The following BRD4 variants were observed in gnomAD, a reference collection of about 807,000 sequenced individuals.
BRD4 encodes the protein bromodomain-containing protein 4.
A neutral mutation model predicts 142.1 loss-of-function variants in BRD4; 16 were observed. The observed-to-expected ratio is 0.11, with a 90% CI of 0.08 to 0.17. The LOEUF (loss-of-function observed/expected upper bound fraction) is 0.17, where lower values mean the gene tolerates loss of function less well. Among genes scored for constraint, BRD4 ranks in the 10% least tolerant of loss-of-function variants. BRD4 has a pLI of 1.00. For synonymous variants in BRD4, 833 were observed against 707.5 expected (o/e 1.18, Z -2.82); for missense variants, 1,424 against 1,810.9 (o/e 0.79, Z 3.88).
Position 15,243,116 on chromosome 19 carries a change from G to A in BRD4, c.2953C>T (p.Pro985Ser), listed in dbSNP as rs1353370418. ...PPPPPPQPQP[P>S]PQQQHQPPPR... ...GGGGGCTGATGCTGCTGCTGGGGTG[G>A]AGGCTGGGGCTGGGGTGGTGGGGGT... Residue 985 changes from proline to serine, a missense_variant, in exon 14 of 20, where the codon CCA (proline) becomes TCA (serine). Physicochemically the swap from Pro to Ser is moderately conservative, Grantham distance 74. Around this residue, in one of 16 missense-constraint regions of BRD4, gnomAD observed 598 missense variants for 647.8 expected, o/e 0.92. Transcript: ENST00000679869. The A allele has an allele frequency of 2.1e-6, 3 of 1,455,672 alleles. No individual in the cohort carries two copies. Among genetic ancestry groups the A allele is most frequent in the Middle Eastern group, 2.5e-4 (1 of 4,062 alleles). The allele number at this position is 1,455,672 out of a possible 1,614,324, so 90.2% of individuals were successfully genotyped here.
rs765535087 is a variant in BRD4 at position 15,239,866 on chromosome 19, C to T, written c.3282+44G>A. On this transcript the variant is annotated intron_variant, in intron 15 of 19. Transcript: ENST00000679869. The surrounding 1 kb of genome is among the most constrained non-coding windows in gnomAD (Gnocchi z 7.4). ...GCGGCCGGTGAGGTGGGCAGGCACCCCCGGCCCTAGCCCACAGGACTATGG... is the reference window on the plus strand; with the variant it reads ...GCGGCCGGTGAGGTGGGCAGGCACCTCCGGCCCTAGCCCACAGGACTATGG... The T allele has an allele frequency of 1.9e-6, 3 of 1,614,000 alleles. No individual in the cohort carries two copies. The highest frequency in any genetic ancestry group is 3.3e-5 in the Admixed American group (2 of 60,014).
Position 15,242,986 on chromosome 19 carries a change from G to A in BRD4, c.3083C>T (p.Pro1028Leu), listed in dbSNP as rs1326894689. The change falls in exon 14 of 20, where the codon CCA (proline) becomes CTA (leucine). Residue 1028 changes from proline (P) to leucine (L), a missense_variant. Transcript: ENST00000679869. ...QPPHPPPGQQ[P>L]PPPQPAKPQQ... ...AGGCTTGGCAGGCTGCGGCGGGGGT[G>A]GCTGCTGGCCTGGGGGCGGATGGGG... is the stretch of plus-strand genomic sequence containing the variant. 10 of 1,577,494 alleles carry A rather than the reference G, an allele frequency of 6.3e-6. No homozygotes were observed. The highest frequency in any genetic ancestry group is 1.4e-5 in the African/African-American group (1 of 72,568).
intron 1 of BRD4, among the ~76,000 whole-genome samples, chr19:15,313,955 G>A (rs1162023509): frequency 1.3e-5 from 2 of 152,074 alleles, no homozygotes; most frequent in African/African-American, 2.4e-5. Context: ...TGAGGGAGAG[G>A]GAAGATTACA....
rs955979869 is a variant in BRD4 at position 15,263,368 on chromosome 19, C to T, written c.1341+52G>A. Reference sequence around the variant, plus strand: ...CAAGGCCCACAGAAGTCTGCTCCCACGAGGACCTCAGCCTGCTCTGCTGAG... The same window carrying T: ...CAAGGCCCACAGAAGTCTGCTCCCATGAGGACCTCAGCCTGCTCTGCTGAG... On this transcript the variant is annotated intron_variant, in intron 7 of 19. Coordinates refer to ENST00000679869, the MANE Select transcript of BRD4 (RefSeq NM_001379291.1). 77 of 1,584,474 alleles carry T rather than the reference C, an allele frequency of 4.9e-5. No individual in the cohort carries two copies. In the South Asian group the frequency reaches 6.5e-4, roughly 13 times the overall value.
intron 8 of BRD4, 113 bp from the exon 9 acceptor site, chr19:15,256,376 G>A: frequency 1.5e-6 from 2 of 1,354,536 alleles, no homozygotes; most frequent in South Asian, 2.8e-5. Flanking sequence ...GGGGCATCAG[G>A]GTGTGGGCAT....
intron 1 of BRD4, among the ~76,000 whole-genome samples, chr19:15,323,401 T>G (rs1439292622): frequency 6.6e-6 from 1 of 152,038 alleles, no homozygotes; most frequent in East Asian, 1.9e-4. Flanking sequence ...GGCTGGCAGG[T>G]TCCACCTCCA....
chr19:15,254,293 C>T (rs1218999881), intron 10 of BRD4, 31 bp from the exon 11 acceptor site: 9 of 1,592,370 alleles, frequency 5.7e-6, no homozygotes, highest in Non-Finnish European at 7.8e-6. Context: ...GCTGGTCAGG[C>T]AGGGCTGTGG....
At chr19:15,252,926 TC>T in intron 11 of BRD4, 1 of 181,990 alleles carries the variant, frequency 5.5e-6, no homozygotes, top group East Asian at 9.0e-5. Context: ...GCAACATGGC[TC>T]TCCCCAGCTG....
chr19:15,278,142 C>CAAAAAAAAAAAAAAAAAAAAAAA (rs2047669367), intron 1 of BRD4, among the ~76,000 whole-genome samples: 1 of 89,268 alleles, frequency 1.1e-5, no homozygotes. Flanking sequence ...AAAAAAAAAT[C>CAAAAAAAAAAAAAAAAAAAAAAA]AAAATCAACA....
intron 14 of BRD4, among the ~76,000 whole-genome samples, chr19:15,240,533 T>A (rs1378492146): frequency 1.3e-5 from 2 of 152,132 alleles, no homozygotes; most frequent in East Asian, 1.9e-4. Context: ...CACAGTCCTA[T>A]TCCCCACTCA....
intron 4 of BRD4, among the ~76,000 whole-genome samples, chr19:15,265,867 C>T (rs1458200142): frequency 6.6e-6 from 1 of 152,186 alleles, no homozygotes; most frequent in Non-Finnish European, 1.5e-5. Flanking sequence ...GTCCTGGCTG[C>T]AACTCCCAAC....
In BRD4 at chr19:15,239,795, C is replaced by T; in HGVS notation, c.3309G>A (p.Gln1103=). Residue 1103 remains glutamine (Q), a synonymous_variant, in exon 16 of 20, where the codon CAG becomes CAA. Coordinates refer to ENST00000679869, the MANE Select transcript of BRD4 (RefSeq NM_001379291.1). The surrounding 1 kb of genome is among the most constrained non-coding windows in gnomAD (Gnocchi z 7.4). ...KQELRAASVV[Q]PQPLVVVKEE... is the part of the protein sequence containing the mutation. Reference sequence around the variant, plus strand: ...CCTTCACCACCACGAGGGGCTGGGGCTGGACCACGGAGGCAGCACGCAGCT... The same window carrying T: ...CCTTCACCACCACGAGGGGCTGGGGTTGGACCACGGAGGCAGCACGCAGCT... 2 of 1,613,334 alleles carry T rather than the reference C, an allele frequency of 1.2e-6. No individual in the cohort carries two copies. The highest frequency in any genetic ancestry group is 1.7e-6 in the Non-Finnish European group (2 of 1,179,916).
intron 1 of BRD4, among the ~76,000 whole-genome samples, chr19:15,309,915 G>A (rs2047951826): frequency 6.6e-6 from 1 of 152,158 alleles, no homozygotes; most frequent in South Asian, 2.1e-4. Context: ...TGCGGAGAGA[G>A]GCAGAGCTTG....
In BRD4 at chr19:15,323,178, T is replaced by A. The variant is rs866283193; in HGVS notation, c.-35+9112A>T. Among the ~76,000 whole-genome samples the A allele has an allele frequency of 1.8e-3, 130 of 73,064 alleles. 3 individuals are homozygous for A. The highest frequency in any genetic ancestry group is 0.014 in the Middle Eastern group (1 of 70). 47.9% of individuals were successfully genotyped at this position (73,064 alleles called of 152,430 possible). On this transcript the variant is annotated intron_variant, in intron 1 of 19. Coordinates refer to ENST00000679869, the MANE Select transcript of BRD4 (RefSeq NM_001379291.1). ...GCAACACAGCAAGACTCCATCTCTT[T>A]AAAAAAAAAAAAAAAAAAAAAAAAA...
intron 2 of BRD4, 26 bp downstream of exon 2, chr19:15,272,788 AC>A (rs1474912154): frequency 8.7e-6 from 14 of 1,600,134 alleles, no homozygotes; most frequent in Non-Finnish European, 1.1e-5. Flanking sequence ...CAGGACGGCC[AC>A]CCTGGGCCCT....
rs764916689 is a variant in BRD4 at position 15,244,540 on chromosome 19, G to A, written c.2272C>T (p.Pro758Ser). The A allele has an allele frequency of 6.3e-6, 10 of 1,588,062 alleles. No individual in the cohort carries two copies. Among genetic ancestry groups the A allele is most frequent in the Middle Eastern group, 1.9e-4 (1 of 5,260 alleles). Residue 758 changes from proline to serine, a missense_variant, in exon 13 of 20, where the codon CCC (proline) becomes TCC (serine). Around this residue, in one of 16 missense-constraint regions of BRD4, gnomAD observed 598 missense variants for 647.8 expected, o/e 0.92. Coordinates refer to ENST00000679869, the MANE Select transcript of BRD4 (RefSeq NM_001379291.1). ...QAPAPVPQQP[P>S]PPPQQPPPPP... ...GGTGGGGGCTGCTGGGGAGGCGGGG[G>A]CGGCTGCTGGGGCACAGGAGCCGGG...
chr19:15,286,746 A>G (rs981226472), intron 1 of BRD4, among the ~76,000 whole-genome samples: 4 of 152,338 alleles, frequency 2.6e-5, no homozygotes, highest in East Asian at 3.9e-4. Context: ...TGTCCCCAAC[A>G]TATCTGGATG....
rs189466034 is a variant in BRD4, at chr19:15,313,266, G to A, written c.-35+19024C>T. Among the ~76,000 whole-genome samples the A allele has an allele frequency of 8.0e-4, 120 of 150,764 alleles. 1 individual carries two copies. Among genetic ancestry groups the A allele is most frequent in the African/African-American group, 2.2e-3 (92 of 41,012 alleles). ...CGGACAGCTAGAGTCCCAGCTACTT[G>A]GGAGGCCGAGGCAGGAGAATGGTGT... On this transcript the variant is annotated intron_variant, in intron 1 of 19. Coordinates refer to ENST00000679869, the MANE Select transcript of BRD4 (RefSeq NM_001379291.1).
intron 7 of BRD4, among the ~76,000 whole-genome samples, chr19:15,261,753 C>CAAT (rs1423362425): frequency 6.6e-6 from 1 of 152,082 alleles, no homozygotes; most frequent in African/African-American, 2.4e-5. Context: ...CCAGCCTGGG[C>CAAT]AATACAGTGA....
Sources: allele counts gnomAD v4.1 joint callset (sites outside exome capture counted in the v4.1 genomes callset), GRCh38; gene constraint gnomAD v4.1.1; regional missense constraint gnomAD v4.1.1; non-coding constraint Gnocchi (gnomAD v3.1); transcripts MANE v1.5; gene names NCBI Gene and HGNC (gene_info 2026-07-23, HGNC 2026-07-21).